GLYATL2: variants seen among roughly 807,000 people sequenced by gnomAD.
GLYATL2 encodes glycine-N-acyltransferase like 2.
GLYATL2 carries 25 observed loss-of-function variants against 21.4 expected under a neutral mutation model. That is an observed-to-expected ratio of 1.17 (90% CI 0.85 to 1.63). The LOEUF (loss-of-function observed/expected upper bound fraction) is 1.63, where lower values mean the gene tolerates loss of function less well. Ranked by LOEUF, GLYATL2 falls within the 40% of genes most tolerant of loss-of-function variation. GLYATL2 has a pLI of 0.00. For missense variants in GLYATL2, 361 were observed against 343.3 expected, an observed-to-expected ratio of 1.05 and a Z score of -0.41; for synonymous variants, 114 against 118.2, an observed-to-expected ratio of 0.96 and a Z score of 0.23.
intron 1 of GLYATL2, chr11:58,878,453 T>C (rs764018384): frequency 7.3e-4 from 231 of 317,592 alleles, no homozygotes; most frequent in Non-Finnish European, 4.6e-4. Context: ...TTGAGCAAAT[T>C]TGTGATCGAA....
At chr11:58,855,623 C>T (rs1853814744) in intron 1 of GLYATL2, among the ~76,000 whole-genome samples, 1 of 152,346 alleles carries the variant, frequency 6.6e-6, no homozygotes, top group East Asian at 1.9e-4. Flanking sequence ...TCAGCCTGTC[C>T]TTTGCAGCTT....
At chr11:58,865,738 AG>A (rs1299390156) in intron 1 of GLYATL2, among the ~76,000 whole-genome samples, 1 of 117,582 alleles carries the variant, frequency 8.5e-6, no homozygotes, top group Non-Finnish European at 1.9e-5. Flanking sequence ...GGAAGAAGGC[AG>A]GTGTCTTTCT....
At chr11:58,868,610 C>T (rs1854059375) in intron 1 of GLYATL2, among the ~76,000 whole-genome samples, 1 of 149,078 alleles carries the variant, frequency 6.7e-6, no homozygotes, top group Non-Finnish European at 1.5e-5. Context: ...GACCACACCC[C>T]TGGTATTTCA....
At chr11:58,838,200 T>A in intron 3 of GLYATL2, 61 bp downstream of exon 3, 2 of 1,086,830 alleles carry the variant, frequency 1.8e-6, no homozygotes, top group Admixed American at 3.8e-5. Context: ...AGTTCCCTCA[T>A]TGCCATGCAG....
At chr11:58,836,775 T>C (rs1230204924) in intron 5 of GLYATL2, among the ~76,000 whole-genome samples, 1 of 152,180 alleles carries the variant, frequency 6.6e-6, no homozygotes, top group African/African-American at 2.4e-5. Context: ...CACCATGATG[T>C]CCATTACCCT....
intron 1 of GLYATL2, among the ~76,000 whole-genome samples, chr11:58,856,596 G>A (rs181355375): frequency 5.9e-5 from 9 of 152,116 alleles, no homozygotes; most frequent in Non-Finnish European, 8.8e-5. Flanking sequence ...TCATTGTATG[G>A]TTTATAACTG....
chr11:58,847,786 C>A (rs1303518878), upstream of GLYATL2, among the ~76,000 whole-genome samples: 1 of 152,154 alleles, frequency 6.6e-6, no homozygotes. Flanking sequence ...AGCACACAGG[C>A]CTTGCTGGCT....
intron 5 of GLYATL2, 86 bp downstream of exon 5, chr11:58,836,929 C>G (rs1162420109): frequency 8.1e-7 from 1 of 1,232,644 alleles, no homozygotes. Context: ...ATAATTTAGT[C>G]TCAAATCCTA....
intron 1 of GLYATL2, among the ~76,000 whole-genome samples, chr11:58,896,311 A>T (rs935031098): frequency 3.9e-5 from 6 of 152,274 alleles, no homozygotes; most frequent in Admixed American, 3.3e-4. Context: ...AGCCCTATGT[A>T]AATCAGACAC....
intron 1 of GLYATL2, among the ~76,000 whole-genome samples, chr11:58,880,278 A>G (rs1209693127): frequency 6.6e-6 from 1 of 152,194 alleles, no homozygotes; most frequent in Non-Finnish European, 1.5e-5. Context: ...GGTAGATGTT[A>G]GAAGCTGAGG....
intron 1 of GLYATL2, chr11:58,893,306 C>T (rs377164581): frequency 3.5e-5 from 8 of 225,574 alleles, no homozygotes; most frequent in South Asian, 1.6e-4. Context: ...ATGAGATTCA[C>T]GAAATATCTG....
chr11:58,859,696 C>A (rs1853897809), intron 1 of GLYATL2, among the ~76,000 whole-genome samples: 1 of 152,104 alleles, frequency 6.6e-6, no homozygotes. Context: ...ATTGCCCCAA[C>A]TAATATCAGG....
At chr11:58,877,756 T>A (rs1854263542) in intron 1 of GLYATL2, among the ~76,000 whole-genome samples, 1 of 152,150 alleles carries the variant, frequency 6.6e-6, no homozygotes, top group Non-Finnish European at 1.5e-5. Context: ...AAAATCCCAA[T>A]TAGATAAGAT....
chr11:58,845,602 A>AC (rs1254912757), upstream of GLYATL2, among the ~76,000 whole-genome samples: 2 of 152,118 alleles, frequency 1.3e-5, no homozygotes, highest in African/African-American at 4.8e-5. Context: ...ACTATCTCTA[A>AC]TTAAAAAAAA....
chr11:58,878,133 C>T (rs1444179903), intron 1 of GLYATL2, among the ~76,000 whole-genome samples: 2 of 152,192 alleles, frequency 1.3e-5, no homozygotes, highest in Admixed American at 6.5e-5. Flanking sequence ...TTTGTTTTGA[C>T]CACAAGTCAC....
Position 58,900,903 on chromosome 11 carries a change from T to TAGTGGATGTC in GLYATL2, n.60+3252_60+3253insGACATCCACT, listed in dbSNP as rs35601198. Among the ~76,000 whole-genome samples the TAGTGGATGTC allele has an allele frequency of 3.8e-3, 582 of 151,734 alleles. 7 individuals are homozygous for TAGTGGATGTC. Among genetic ancestry groups the TAGTGGATGTC allele is most frequent in the African/African-American group, 0.013 (548 of 41,338 alleles). On this transcript the variant is annotated intron_variant and non_coding_transcript_variant, in intron 1 of 4. Coordinates refer to the GLYATL2 transcript ENST00000533636. ...CAAGAACGGAAGCTACCATTGGCCT[T>TAGTGGATGTC]AATCTTCACCTCCCGCTTTTCTTCC...
intron 1 of GLYATL2, among the ~76,000 whole-genome samples, chr11:58,880,309 C>T (rs1854310606): frequency 6.6e-6 from 1 of 151,970 alleles, no homozygotes; most frequent in Admixed American, 6.6e-5. Flanking sequence ...GTCATAAGAG[C>T]AATATTAAGT....
At chr11:58,887,715 G>T (rs1286125691) in intron 1 of GLYATL2, among the ~76,000 whole-genome samples, 1 of 152,184 alleles carries the variant, frequency 6.6e-6, no homozygotes, top group Non-Finnish European at 1.5e-5. Context: ...TAGAGTCAAT[G>T]CAATGCTATT....
chr11:58,855,735 G>A (rs991190072), intron 1 of GLYATL2, among the ~76,000 whole-genome samples: 38 of 152,296 alleles, frequency 2.5e-4, no homozygotes, highest in Admixed American at 1.6e-3. Context: ...TTGTTGTTTG[G>A]TGTAGCCACC....
Sources: allele counts gnomAD v4.1 joint callset (sites outside exome capture counted in the v4.1 genomes callset), GRCh38; gene constraint gnomAD v4.1.1; transcripts MANE v1.5; gene names NCBI Gene and HGNC (gene_info 2026-07-23, HGNC 2026-07-21).